The following LY75 variants were observed in gnomAD, a reference collection of about 807,000 sequenced individuals.
LY75 encodes lymphocyte antigen 75.
A neutral mutation model predicts 231.7 loss-of-function variants in LY75; 185 were observed. The ratio of observed to expected loss-of-function variants is 0.80; its 90% CI spans 0.71 to 0.90. LY75 has a LOEUF of 0.90. LY75 is among the 40% of genes least tolerant of loss of function. The pLI is 0.00. For missense variants in LY75, 1,947 were observed against 2,050.2 expected, an observed-to-expected ratio of 0.95 and a Z score of 0.97; for synonymous variants, 668 against 689.0, an observed-to-expected ratio of 0.97 and a Z score of 0.48.
chr2:159,847,523 G>A (rs1014912358), intron 23 of LY75, among the ~76,000 whole-genome samples: 1 of 152,096 alleles, frequency 6.6e-6, no homozygotes, highest in Non-Finnish European at 1.5e-5. Flanking sequence ...CCGTGACTCT[G>A]CATGCATAGG....
intron 1 of LY75, among the ~76,000 whole-genome samples, chr2:159,899,544 G>C (rs994912415): frequency 2.0e-5 from 3 of 152,156 alleles, no homozygotes; most frequent in Admixed American, 6.5e-5. Context: ...TAGCTACTAC[G>C]GCAGGGTAAA....
At chr2:159,816,621 AG>A (rs1375284225) in intron 30 of LY75, among the ~76,000 whole-genome samples, 184 bp downstream of exon 30, 3 of 152,196 alleles carry the variant, frequency 2.0e-5, no homozygotes, top group African/African-American at 7.2e-5. Flanking sequence ...CATTTGTCCT[AG>A]TGCATGCTAC....
intron 13 of LY75, among the ~76,000 whole-genome samples, chr2:159,871,477 A>C (rs1685010660): frequency 6.6e-6 from 1 of 152,008 alleles, no homozygotes; most frequent in Non-Finnish European, 1.5e-5. Context: ...AAATTTAAAA[A>C]ATTTTTAAAT....
chr2:159,898,550 T>G (rs1248518165), intron 2 of LY75, 138 bp downstream of exon 2: 3 of 1,388,686 alleles, frequency 2.2e-6, no homozygotes, highest in East Asian at 2.3e-5. Context: ...TCAAAGTAAC[T>G]GCACAGTGCC....
intron 31 of LY75, among the ~76,000 whole-genome samples, chr2:159,814,182 C>T (rs910852024): frequency 5.1e-4 from 78 of 152,312 alleles, no homozygotes; most frequent in African/African-American, 1.9e-3. Flanking sequence ...CTGCAGTCCC[C>T]GGTAGTTTGT....
At chr2:159,900,579 T>A (rs1686044596) in intron 1 of LY75, among the ~76,000 whole-genome samples, 1 of 152,234 alleles carries the variant, frequency 6.6e-6, no homozygotes, top group Non-Finnish European at 1.5e-5. Flanking sequence ...TTCAAAGGCT[T>A]TCAGAGTTAA....
At chr2:159,831,311 G>A (rs867968872) in intron 28 of LY75, among the ~76,000 whole-genome samples, 18 of 152,178 alleles carry the variant, frequency 1.2e-4, no homozygotes, top group Middle Eastern at 6.8e-3. Flanking sequence ...TTTCCCATTC[G>A]CCTCTGACAT....
rs1049414282 is a variant in LY75, at chr2:159,882,104, G to A, written c.1246+20C>T. ...TAAAATGGCTTAAGCCTCTCAAATA[G>A]GGTATTTTTAAAAACTTACCCTCAT... On this transcript the variant is annotated intron_variant, in intron 7 of 34. Coordinates refer to ENST00000263636, the MANE Select transcript of LY75 (RefSeq NM_002349.4). 3 of 1,604,192 alleles carry A rather than the reference G, an allele frequency of 1.9e-6. No homozygotes were observed. Among genetic ancestry groups the A allele is most frequent in the African/African-American group, 1.3e-5 (1 of 74,572 alleles).
chr2:159,849,460 G>A (rs1684314181), intron 23 of LY75, among the ~76,000 whole-genome samples: 1 of 152,114 alleles, frequency 6.6e-6, no homozygotes, highest in Non-Finnish European at 1.5e-5. Context: ...GGAGACTGAG[G>A]CTGAGAGCCC....
At chr2:159,898,363 T>TCCTCTAGGGTTTCCTTC (rs1305433488) in intron 2 of LY75, among the ~76,000 whole-genome samples, 1 of 152,156 alleles carries the variant, frequency 6.6e-6, no homozygotes, top group Admixed American at 6.5e-5. Context: ...ATGATTCCTT[T>TCCTCTAGGGTTTCCTTC]CCTCTAGGGT....
chr2:159,840,414 A>C (rs1683981931), intron 25 of LY75, among the ~76,000 whole-genome samples: 1 of 152,136 alleles, frequency 6.6e-6, no homozygotes, highest in South Asian at 2.1e-4. Context: ...TTTACAAAAA[A>C]TACAAAAATT....
intron 2 of LY75, among the ~76,000 whole-genome samples, chr2:159,895,701 A>T (rs1685891276): frequency 6.6e-6 from 1 of 152,204 alleles, no homozygotes; most frequent in Non-Finnish European, 1.5e-5. Context: ...TATAAGGACA[A>T]CTTGTGACAT....
intron 31 of LY75, chr2:159,812,320 GGTAA>G (rs1682986094): frequency 4.1e-5 from 6 of 147,504 alleles, no homozygotes; most frequent in Admixed American, 6.8e-5. Flanking sequence ...CTTGCATCGT[GGTAA>G]GTGTGTTACA....
At chr2:159,845,052 G>A (rs1175797524) in intron 23 of LY75, among the ~76,000 whole-genome samples, 2 of 152,016 alleles carry the variant, frequency 1.3e-5, no homozygotes, top group Non-Finnish European at 2.9e-5. Flanking sequence ...TTGCTCCAAA[G>A]GACATGATTC....
intron 21 of LY75, among the ~76,000 whole-genome samples, chr2:159,850,791 T>TATATATATATATATATATATATA (rs1341394980): frequency 3.2e-5 from 3 of 94,510 alleles, no homozygotes; most frequent in Non-Finnish European, 4.6e-5. Flanking sequence ...TATATATATA[T>TATATATATATATATATATATATA]ATATATATTA....
chr2:159,862,749 T>C (rs1036165758), intron 14 of LY75, among the ~76,000 whole-genome samples: 2 of 152,200 alleles, frequency 1.3e-5, no homozygotes, highest in Non-Finnish European at 2.9e-5. Flanking sequence ...ATATATACAT[T>C]GTGGACTGAC....
At chr2:159,874,135 C>CATATATATATTTTGTAAATATATATAAA (rs1685110434) in intron 12 of LY75, among the ~76,000 whole-genome samples, 1 of 92,096 alleles carries the variant, frequency 1.1e-5, no homozygotes, top group Non-Finnish European at 2.1e-5. Flanking sequence ...AATATATAAA[C>CATATATATATTTTGTAAATATATATAAA]GTATATATAT....
At chr2:159,863,462 G>C (rs1364714627) in intron 14 of LY75, among the ~76,000 whole-genome samples, 1 of 152,070 alleles carries the variant, frequency 6.6e-6, no homozygotes, top group Non-Finnish European at 1.5e-5. Context: ...TTACCAACAT[G>C]TATCTTTTGT....
At chr2:159,849,735 C>T (rs1168256882) in intron 23 of LY75, among the ~76,000 whole-genome samples, 2 of 152,126 alleles carry the variant, frequency 1.3e-5, no homozygotes, top group Non-Finnish European at 2.9e-5. Context: ...ACCATCACCC[C>T]ATAAATCTTA....
Sources: allele counts gnomAD v4.1 joint callset (sites outside exome capture counted in the v4.1 genomes callset), GRCh38; gene constraint gnomAD v4.1.1; transcripts MANE v1.5; gene names NCBI Gene and HGNC (gene_info 2026-07-23, HGNC 2026-07-21).